The following C5AR2 variants were observed in gnomAD, a reference collection of about 807,000 sequenced individuals.
The protein encoded by C5AR2 is complement C5a receptor 2.
For missense variants in C5AR2, 458 were observed against 467.5 expected (o/e 0.98, Z 0.19); for synonymous variants, 224 against 216.5 (o/e 1.03, Z -0.30).
intron 1 of C5AR2, among the ~76,000 whole-genome samples, chr19:47,334,089 G>T (rs988670444): frequency 6.6e-6 from 1 of 152,092 alleles, no homozygotes; most frequent in Admixed American, 6.6e-5. Flanking sequence ...TGTGTGCCAG[G>T]TTCTGTCCCA....
At chr19:47,340,721 C>T in intron 1 of C5AR2, 64 bp from the exon 2 acceptor site, 1 of 1,508,474 alleles carries the variant, frequency 6.6e-7, no homozygotes, top group Non-Finnish European at 9.2e-7. Context: ...TGATGGACAC[C>T]CTAGATCTCC....
intron 1 of C5AR2, among the ~76,000 whole-genome samples, chr19:47,338,687 AATT>A (rs1353394033): frequency 2.1e-5 from 3 of 144,452 alleles, no homozygotes; most frequent in Admixed American, 7.0e-5. Flanking sequence ...TAATAATAAT[AATT>A]AATCAGGCAT....
chr19:47,343,211 G>A lies in C5AR2; in HGVS notation c.*1398G>A, dbSNP rs1244223217. On this transcript the variant is annotated 3_prime_UTR_variant, in exon 2 of 2. Coordinates refer to ENST00000595464, the MANE Select transcript of C5AR2 (RefSeq NM_001271749.2). ...ACGTGAGGAGGTGCCAAGAAATGCA[G>A]GCAGCTTCCAGAAGCTGAAACAGAC... 1 of 152,156 alleles carries A rather than the reference G, an allele frequency of 6.6e-6. No homozygotes were observed. The highest frequency in any genetic ancestry group is 1.5e-5 in the Non-Finnish European group (1 of 68,032). The allele number at this position is 152,156 out of a possible 1,614,324, so 9.4% of individuals were successfully genotyped here.
At chr19:47,339,751 C>G (rs1002642855) in intron 1 of C5AR2, among the ~76,000 whole-genome samples, 1 of 152,090 alleles carries the variant, frequency 6.6e-6, no homozygotes, top group South Asian at 2.1e-4. Context: ...GTTCTCGATG[C>G]CTGAAACACT....
In C5AR2 at chr19:47,346,457, A is replaced by C. The variant is rs1969120535; in HGVS notation, c.*4644A>C. 6.6e-6 allele frequency: 1 copy of C among 152,154 alleles called. No individual in the cohort carries two copies. Among genetic ancestry groups the C allele is most frequent in the Non-Finnish European group, 1.5e-5 (1 of 68,060 alleles). 9.4% of individuals were successfully genotyped at this position (152,154 alleles called of 1,614,324 possible). The stretch of plus-strand genomic sequence containing the variant: ...GGTGGCTCATGTCTGTAATCCCAGT[A>C]CTTTGGGAGGCCAATGCAGGTGGAT... On this transcript the variant is annotated 3_prime_UTR_variant, in exon 2 of 2. Coordinates refer to ENST00000595464, the MANE Select transcript of C5AR2 (RefSeq NM_001271749.2).
intron 1 of C5AR2, among the ~76,000 whole-genome samples, chr19:47,339,017 G>T (rs754936234): frequency 6.6e-6 from 1 of 151,828 alleles, no homozygotes; most frequent in South Asian, 2.1e-4. Flanking sequence ...AGCCAGGTGT[G>T]GTGGCATGTA....
chr19:47,333,827 C>T (rs1895907088), intron 1 of C5AR2, among the ~76,000 whole-genome samples: 2 of 152,136 alleles, frequency 1.3e-5, no homozygotes, highest in Admixed American at 6.6e-5. Flanking sequence ...GATCCACCTG[C>T]CTGGGCCTCC....
chr19:47,339,682 C>G (rs772827594), intron 1 of C5AR2, among the ~76,000 whole-genome samples: 1 of 152,150 alleles, frequency 6.6e-6, no homozygotes, highest in African/African-American at 2.4e-5. Context: ...CCACACTGGG[C>G]TCCTTGCTGT....
At chr19:47,334,121 C>T (rs1327507461) in intron 1 of C5AR2, among the ~76,000 whole-genome samples, 1 of 152,100 alleles carries the variant, frequency 6.6e-6, no homozygotes, top group Middle Eastern at 3.2e-3. Context: ...CACAGCGGCA[C>T]CCGAGGCTGG....
chr19:47,340,842 G>C lies in C5AR2; in HGVS notation c.43G>C (p.Asp15His). The C allele has an allele frequency of 6.2e-7, 1 of 1,613,592 alleles. No homozygotes were observed. The highest frequency in any genetic ancestry group is 8.5e-7 in the Non-Finnish European group (1 of 1,179,998). Residue 15 changes from aspartate to histidine, a missense_variant, in exon 2 of 2, where the codon GAC becomes CAC. Physicochemically the swap from Asp to His is moderately conservative, Grantham distance 81. Transcript: ENST00000595464. ...CAGCTACGAGTATGGGGATTACAGC[G>C]ACCTCTCGGACCGCCCTGTGGACTG... ...SVSYEYGDYS[D>H]LSDRPVDCLD...
chr19:47,335,615 AC>A (rs2059354212), intron 1 of C5AR2, among the ~76,000 whole-genome samples: 1 of 151,096 alleles, frequency 6.6e-6, no homozygotes, highest in African/African-American at 2.4e-5. Context: ...TACTAAAAAT[AC>A]AAAAAATTAG....
rs751191744 is a variant in C5AR2, at chr19:47,341,315, C to T, written c.516C>T (p.Tyr172=). ...ALLLTVPSAI[Y]RRLHQEHFPA... is the part of the protein sequence containing the mutation. ...TGCTCACCGTGCCCTCCGCCATCTACCGCCGGCTGCACCAGGAGCACTTCC... is the reference window on the plus strand; with the variant it reads ...TGCTCACCGTGCCCTCCGCCATCTATCGCCGGCTGCACCAGGAGCACTTCC... Residue 172 remains tyrosine (Y), a synonymous_variant, in exon 2 of 2, where the codon TAC becomes TAT. Coordinates refer to ENST00000595464, the MANE Select transcript of C5AR2 (RefSeq NM_001271749.2). The surrounding 1 kb of genome is among the most constrained non-coding windows in gnomAD (Gnocchi z 4.6). 5.6e-6 allele frequency: 9 copies of T among 1,610,272 alleles called. No homozygotes were observed. The African/African-American group carries it at 8.0e-5, about 14-fold the overall frequency.
chr19:47,341,618 A>AC lies in C5AR2; in HGVS notation c.823dup (p.Leu275ProfsTer56). 6.2e-7 allele frequency: 1 copy of AC among 1,613,838 alleles called. No individual in the cohort carries two copies. The highest frequency in any genetic ancestry group is 1.3e-5 in the African/African-American group (1 of 75,020). ...TCCTGGCCAGGGCCCTGCGGGCTGAACCCCTCATCGTGGGCCTTGCCCTCG... is the reference window on the plus strand; with the variant it reads ...TCCTGGCCAGGGCCCTGCGGGCTGAACCCCCTCATCGTGGGCCTTGCCCTCG... On this transcript the variant is annotated frameshift_variant, in exon 2 of 2. Coordinates refer to ENST00000595464, the MANE Select transcript of C5AR2 (RefSeq NM_001271749.2). LOFTEE classifies it low-confidence loss of function (END_TRUNC). The surrounding 1 kb of genome is among the most constrained non-coding windows in gnomAD (Gnocchi z 4.6).
rs750743266 is a variant in C5AR2 at position 47,341,699 on chromosome 19, C to T, written c.900C>T (p.Arg300=). 97 of 1,613,934 alleles carry T rather than the reference C, an allele frequency of 6.0e-5. No individual in the cohort carries two copies. The highest frequency in any genetic ancestry group is 8.0e-5 in the Non-Finnish European group (94 of 1,180,044). ...TGTATTTTGGGAGGGCTCAACTCCG[C>T]CGGTCACTGCCAGCTGCCTGTCACT... The part of the protein sequence containing the change: ...LFLYFGRAQL[R]RSLPAACHWA... The change falls in exon 2 of 2, where the codon CGC becomes CGT. Residue 300 remains arginine, a synonymous_variant. Coordinates refer to ENST00000595464, the MANE Select transcript of C5AR2 (RefSeq NM_001271749.2). This position sits in a 1 kb window ranked among gnomAD's most constrained non-coding sequence, Gnocchi z 4.6.
At chr19:47,338,171 G>C (rs972926480) in intron 1 of C5AR2, among the ~76,000 whole-genome samples, 1 of 152,054 alleles carries the variant, frequency 6.6e-6, no homozygotes, top group Non-Finnish European at 1.5e-5. Context: ...AGCTACTCAG[G>C]GGGCAGAGGT....
Position 47,341,395 on chromosome 19 carries a change from C to A in C5AR2, c.596C>A (p.Ala199Glu), listed in dbSNP as rs781599381. The A allele has an allele frequency of 3.0e-5, 48 of 1,612,404 alleles. No individual in the cohort carries two copies. The highest frequency in any genetic ancestry group is 2.8e-4 in the Admixed American group (17 of 59,988). Reference protein sequence around the residue: ...DYGGSSSTENAVTAIRFLFGF... With the variant: ...DYGGSSSTENEVTAIRFLFGF... ...GGCGGCTCCTCCAGCACCGAGAATG[C>A]GGTGACTGCCATCCGGTTTCTTTTT... is the stretch of plus-strand genomic sequence containing the variant. The change falls in exon 2 of 2, where the codon GCG (alanine) becomes GAG (glutamate). Residue 199 changes from alanine (A) to glutamate (E), a missense_variant. Transcript: ENST00000595464. The surrounding 1 kb of genome is among the most constrained non-coding windows in gnomAD (Gnocchi z 4.6).
rs1285812844 is a variant in C5AR2 at position 47,343,669 on chromosome 19, G to A, written c.*1856G>A. On this transcript the variant is annotated 3_prime_UTR_variant, in exon 2 of 2. Transcript: ENST00000595464. ...AAAAATACAAAAATTAGCCAGACGT[G>A]GTGGGGCGTGCCTGTAGTTCCAGCT... The A allele has an allele frequency of 6.6e-6, 1 of 151,840 alleles. No homozygotes were observed. Among genetic ancestry groups the A allele is most frequent in the Non-Finnish European group, 1.5e-5 (1 of 67,972 alleles). 9.4% of individuals were successfully genotyped at this position (151,840 alleles called of 1,614,324 possible). A position where few individuals can be genotyped will look rare whatever the true frequency, so the allele number is the denominator to read the frequency against.
intron 1 of C5AR2, among the ~76,000 whole-genome samples, chr19:47,336,215 G>C (rs187458749): frequency 6.6e-6 from 1 of 151,354 alleles, no homozygotes; most frequent in Non-Finnish European, 1.5e-5. Flanking sequence ...TCAGTCTCCC[G>C]AGTAGCTGGA....
In C5AR2 at chr19:47,336,493, C is replaced by T. The variant is rs932853322; in HGVS notation, c.-16+4144C>T. Among the ~76,000 whole-genome samples, 79 of 132,318 alleles carry T rather than the reference C, an allele frequency of 6.0e-4. 1 individual carries two copies. Among genetic ancestry groups the T allele is most frequent in the African/African-American group, 2.2e-3 (73 of 33,496 alleles). 86.8% of individuals were successfully genotyped at this position (132,318 alleles called of 152,430 possible). A position where few individuals can be genotyped will look rare whatever the true frequency, so the allele number is the denominator to read the frequency against. The stretch of plus-strand genomic sequence containing the variant: ...CCTTCCTTCCTTCCTTCCTTCCTTT[C>T]TTTCTTTCTTTCTTTCTTTTTCTTT... On this transcript the variant is annotated intron_variant, in intron 1 of 1. Transcript: ENST00000595464.
Sources: gnomAD v4.1 joint callset for allele counts (sites outside exome capture counted in the v4.1 genomes callset) on GRCh38, gnomAD v4.1.1 for gene constraint, Gnocchi (gnomAD v3.1) non-coding constraint, MANE v1.5 for transcripts, NCBI Gene and HGNC (gene_info 2026-07-23, HGNC 2026-07-21) for gene names.